The following MCM10 variants were observed in gnomAD, a reference collection of about 807,000 sequenced individuals.
MCM10 encodes protein MCM10 homolog.
A neutral mutation model predicts 109.9 loss-of-function variants in MCM10; 91 were observed. The observed-to-expected ratio is 0.83, with a 90% CI of 0.70 to 0.99. The LOEUF (loss-of-function observed/expected upper bound fraction) is 0.99. Ranked by LOEUF, MCM10 falls within the 50% of genes least tolerant of loss-of-function variation. The pLI, the probability that MCM10 is intolerant of heterozygous loss-of-function variation, is 0.00. For missense variants in MCM10, 1,077 were observed against 1,061.2 expected, an observed-to-expected ratio of 1.01 and a Z score of -0.21; for synonymous variants, 380 against 387.2, an observed-to-expected ratio of 0.98 and a Z score of 0.22.
rs548034964 is a variant in MCM10, at chr10:13,171,767, AT to A, written c.349+517del. ...ATATCCAATTTATGAAGTAAATATA[AT>A]TTTTTTTTTTTTCCGAGACAGATTC... On this transcript the variant is annotated intron_variant, in intron 3 of 19. Coordinates refer to ENST00000378714, the MANE Select transcript of MCM10 (RefSeq NM_018518.5). Among the ~76,000 whole-genome samples the A allele has an allele frequency of 5.5e-3, 807 of 146,756 alleles. 12 individuals are homozygous for A. The highest frequency in any genetic ancestry group is 0.016 in the African/African-American group (641 of 40,168).
intron 8 of MCM10, among the ~76,000 whole-genome samples, chr10:13,183,724 G>A (rs910769101): frequency 2.0e-5 from 3 of 150,144 alleles, no homozygotes; most frequent in African/African-American, 7.4e-5. Context: ...TTGCTCTGTT[G>A]CCCGGGCTGG....
At chr10:13,170,652 A>C (rs568161048) in intron 2 of MCM10, among the ~76,000 whole-genome samples, 136 of 152,218 alleles carry the variant, frequency 8.9e-4, no homozygotes, top group African/African-American at 3.1e-3. Context: ...ACCAGGCAAA[A>C]TGGTGCATCT....
intron 14 of MCM10, among the ~76,000 whole-genome samples, chr10:13,196,530 T>G (rs929836381): frequency 2.6e-5 from 4 of 152,152 alleles, no homozygotes; most frequent in African/African-American, 9.7e-5. Flanking sequence ...ATATATTTTT[T>G]GAGATGGAGT....
At chr10:13,166,635 C>CAA (rs1252182951) in intron 2 of MCM10, among the ~76,000 whole-genome samples, 37 of 47,594 alleles carry the variant, frequency 7.8e-4, no homozygotes, top group African/African-American at 8.8e-4. Context: ...AACTCTGTCT[C>CAA]AAAAAAAAAA....
intron 13 of MCM10, among the ~76,000 whole-genome samples, chr10:13,194,325 C>T (rs1439901442): frequency 6.6e-6 from 1 of 152,074 alleles, no homozygotes; most frequent in Non-Finnish European, 1.5e-5. Context: ...ATCGTGCCAA[C>T]GCACTCTAGT....
At position 13,209,333 on chromosome 10, in the gene MCM10, A is replaced by G; in HGVS notation, c.*23A>G. 1 of 1,588,610 alleles carries G rather than the reference A, an allele frequency of 6.3e-7. No individual in the cohort carries two copies. The highest frequency in any genetic ancestry group is 8.6e-7 in the Non-Finnish European group (1 of 1,158,360). ...TAACCCGAACTTCAGACATTTTCCC[A>G]CAGACTTCCTGGCCTCCTGTGACTC... On this transcript the variant is annotated 3_prime_UTR_variant, in exon 20 of 20. Coordinates refer to ENST00000378714, the MANE Select transcript of MCM10 (RefSeq NM_018518.5).
chr10:13,165,995 G>A (rs1196104695), intron 2 of MCM10, among the ~76,000 whole-genome samples: 1 of 151,956 alleles, frequency 6.6e-6, no homozygotes, highest in African/African-American at 2.4e-5. Context: ...ATGGTACTTG[G>A]GATATACTGT....
In MCM10 at chr10:13,197,724, G is replaced by A; in HGVS notation, c.2076G>A (p.Glu692=). The change falls in exon 15 of 20, where the codon GAG becomes GAA. Residue 692 remains glutamate, a synonymous_variant. Coordinates refer to ENST00000378714, the MANE Select transcript of MCM10 (RefSeq NM_018518.5). ...KKQKDPQDIL[E]VKERVEKNTM... is the part of the protein sequence containing the mutation. ...AAAAGGACCCTCAGGACATCCTGGA[G>A]GTGAAGGAACGTGTAGAAAAAAACA... 2 of 1,613,840 alleles carry A rather than the reference G, an allele frequency of 1.2e-6. No homozygotes were observed. Among genetic ancestry groups the A allele is most frequent in the Non-Finnish European group, 1.7e-6 (2 of 1,179,966 alleles).
rs760158225 is a variant in MCM10, at chr10:13,180,488, C to T, written c.811C>T (p.Arg271Ter). The T allele has an allele frequency of 5.0e-6, 8 of 1,613,674 alleles. No homozygotes were observed. In the East Asian group the frequency reaches 6.7e-5, roughly 13 times the overall value. Residue 271 changes from arginine (R) to a stop codon, truncating the protein, a stop_gained, in exon 7 of 20, where the codon CGA (arginine) becomes TGA (stop). Coordinates refer to ENST00000378714, the MANE Select transcript of MCM10 (RefSeq NM_018518.5). LOFTEE classifies it high-confidence loss of function. ...AGAAATGAACAAGAAAATGACCGGCCGAAAACTGATCAGACTGTCTCAGAT... is the reference window on the plus strand; with the variant it reads ...AGAAATGAACAAGAAAATGACCGGCTGAAAACTGATCAGACTGTCTCAGAT... ...STEMNKKMTG[R>*]KLIRLSQIKE...
intron 9 of MCM10, among the ~76,000 whole-genome samples, chr10:13,187,214 A>G (rs1327153419): frequency 2.0e-5 from 3 of 152,182 alleles, no homozygotes; most frequent in Non-Finnish European, 4.4e-5. Context: ...GACATTTCAT[A>G]TAATGGAATC....
chr10:13,198,106 G>T (rs1588477661), intron 15 of MCM10, among the ~76,000 whole-genome samples: 1 of 151,950 alleles, frequency 6.6e-6, no homozygotes, highest in Admixed American at 6.6e-5. Flanking sequence ...TATAGATGGG[G>T]TTTCACCATG....
chr10:13,195,309 T>C (rs188571523), intron 14 of MCM10, 40 bp downstream of exon 14: 38 of 1,484,896 alleles, frequency 2.6e-5, no homozygotes, highest in Non-Finnish European at 3.3e-5. Context: ...GAGTTTGCAT[T>C]CTGTAGAGCA....
At chr10:13,166,657 C>CATATATATATATATAT (rs1491379684) in intron 2 of MCM10, among the ~76,000 whole-genome samples, 8 of 19,948 alleles carry the variant, frequency 4.0e-4, no homozygotes, top group East Asian at 2.0e-3. Context: ...AAAATACATA[C>CATATATATATATATAT]ATACATATAT....
At position 13,188,842 on chromosome 10, in the gene MCM10, G is replaced by A. The variant is rs1284268895; in HGVS notation, c.1216-39G>A. On this transcript the variant is annotated intron_variant, in intron 9 of 19. Coordinates refer to ENST00000378714, the MANE Select transcript of MCM10 (RefSeq NM_018518.5). ...TCTGCTCACTGCTGTTTCCCAGCCT[G>A]TTGCCCTCATCCTGATGCCACTGCT... 2.5e-6 allele frequency: 4 copies of A among 1,573,600 alleles called. No homozygotes were observed. The Admixed American group carries it at 6.7e-5, about 26-fold the overall frequency.
At chr10:13,199,996 G>GT (rs1420501309) in intron 16 of MCM10, among the ~76,000 whole-genome samples, 2 of 151,590 alleles carry the variant, frequency 1.3e-5, no homozygotes, top group African/African-American at 4.8e-5. Context: ...GGGAGGTTTT[G>GT]TTTTTTTTGA....
chr10:13,198,812 G>C lies in MCM10; in HGVS notation c.2238+5G>C, dbSNP rs368647686. The stretch of plus-strand genomic sequence containing the variant: ...CACACAGGCATCCTGAAAGAGGTAA[G>C]AGCCCAAAAGCTCAAGGATGGTGTT... On this transcript the variant is annotated splice_donor_5th_base_variant and intron_variant, in intron 16 of 19. Coordinates refer to ENST00000378714, the MANE Select transcript of MCM10 (RefSeq NM_018518.5). The C allele has an allele frequency of 3.8e-6, 6 of 1,589,474 alleles. No homozygotes were observed. In the African/African-American group the frequency reaches 5.4e-5, roughly 14 times the overall value.
In MCM10 at chr10:13,172,910, A is replaced by C; in HGVS notation, c.592+145A>C. 1 of 760,408 alleles carries C rather than the reference A, an allele frequency of 1.3e-6. No individual in the cohort carries two copies. The highest frequency in any genetic ancestry group is 2.1e-6 in the Non-Finnish European group (1 of 483,590). The allele number at this position is 760,408 out of a possible 1,614,324, so 47.1% of individuals were successfully genotyped here. A position where few individuals can be genotyped will look rare whatever the true frequency, so the allele number is the denominator to read the frequency against. ...AAAGTTTCTTGGGAATGGAAGCCAC[A>C]TGATATATTTTGTGTTCTTCGTCTA... On this transcript the variant is annotated intron_variant, in intron 5 of 19. Transcript: ENST00000378714. The surrounding 1 kb of genome is among the most constrained non-coding windows in gnomAD (Gnocchi z 5.2).
Position 13,204,199 on chromosome 10 carries a change from T to C in MCM10, c.2353-20T>C. ...AAAGGCTCTTCACCGGCGGTGTGGG[T>C]TTTTTGTTGCTCTGTGCAGTGCGCC... is the stretch of plus-strand genomic sequence containing the variant. On this transcript the variant is annotated intron_variant, in intron 17 of 19. Coordinates refer to ENST00000378714, the MANE Select transcript of MCM10 (RefSeq NM_018518.5). The C allele has an allele frequency of 1.2e-6, 2 of 1,600,794 alleles. No individual in the cohort carries two copies. The highest frequency in any genetic ancestry group is 1.7e-6 in the Non-Finnish European group (2 of 1,170,396).
At chr10:13,199,683 T>G (rs889608722) in intron 16 of MCM10, among the ~76,000 whole-genome samples, 1 of 152,204 alleles carries the variant, frequency 6.6e-6, no homozygotes, top group Non-Finnish European at 1.5e-5. Flanking sequence ...AAGATACAGA[T>G]TTCATTATGG....
Sources: allele counts gnomAD v4.1 joint callset (sites outside exome capture counted in the v4.1 genomes callset), GRCh38; gene constraint gnomAD v4.1.1; non-coding constraint Gnocchi (gnomAD v3.1); transcripts MANE v1.5; gene names NCBI Gene and HGNC (gene_info 2026-07-23, HGNC 2026-07-21).